GEMIN4: variants seen among roughly 807,000 people sequenced by gnomAD.
GEMIN4 encodes gem nuclear organelle associated protein 4, also known as gem-associated protein 4.
A neutral mutation model predicts 76.8 loss-of-function variants in GEMIN4; 59 were observed. The observed-to-expected ratio is 0.77, with a 90% CI of 0.62 to 0.95. The LOEUF is 0.95. GEMIN4 is among the 40% of genes least tolerant of loss of function. The pLI, the probability that GEMIN4 is intolerant of heterozygous loss-of-function variation, is 0.00. For missense variants in GEMIN4, 1,311 were observed against 1,318.9 expected (o/e 0.99, Z 0.09); for synonymous variants, 562 against 559.7 (o/e 1.00, Z -0.06).
intron 1 of GEMIN4, chr17:750,096 T>C: frequency 3.3e-6 from 2 of 608,404 alleles, no homozygotes; most frequent in Non-Finnish European, 4.1e-6. Context: ...TGGCTAGCAC[T>C]TGTAATCCCA....
At chr17:750,962 A>T (rs1457670260) in intron 1 of GEMIN4, among the ~76,000 whole-genome samples, 1 of 152,146 alleles carries the variant, frequency 6.6e-6, no homozygotes, top group East Asian at 1.9e-4. Flanking sequence ...TGACGCTGTA[A>T]ATTTAATTTT....
In GEMIN4 at chr17:747,320, G is replaced by A; in HGVS notation, c.723C>T (p.Ala241=). Residue 241 remains alanine (A), a synonymous_variant, in exon 2 of 2, where the codon GCC becomes GCT. Coordinates refer to ENST00000319004, the MANE Select transcript of GEMIN4 (RefSeq NM_015721.3). ...LGPGRKCCAL[A]NLADMLTVFA... ...ACACAGTCAGCATGTCAGCCAGGTT[G>A]GCCAGCGCACAGCACTTCCTCCCCG... The A allele has an allele frequency of 6.2e-7, 1 of 1,613,810 alleles. No homozygotes were observed. Among genetic ancestry groups the A allele is most frequent in the South Asian group, 1.1e-5 (1 of 91,084 alleles).
chr17:746,797 C>T lies in GEMIN4; in HGVS notation c.1246G>A (p.Asp416Asn). 6.2e-7 allele frequency: 1 copy of T among 1,613,884 alleles called. No individual in the cohort carries two copies. The highest frequency in any genetic ancestry group is 8.5e-7 in the Non-Finnish European group (1 of 1,179,880). ...IAMAVIQQKM[D>N]RHMEVCYIFA... ...ATGTAGCACACTTCCATATGGCGGT[C>T]CATCTTCTGCTGGATGACGGCCATG... Residue 416 changes from aspartate (D) to asparagine (N), a missense_variant, in exon 2 of 2, where the codon GAC (aspartate) becomes AAC (asparagine). By Grantham distance (23) the Asp-to-Asn change is conservative. Coordinates refer to ENST00000319004, the MANE Select transcript of GEMIN4 (RefSeq NM_015721.3). This position sits in a 1 kb window ranked among gnomAD's most constrained non-coding sequence, Gnocchi z 4.3.
rs375616543 is a variant in GEMIN4 at position 747,098 on chromosome 17, C to T, written c.945G>A (p.Val315=). 3.0e-4 allele frequency: 482 copies of T among 1,613,734 alleles called. No homozygotes were observed. The highest frequency in any genetic ancestry group is 4.0e-4 in the Non-Finnish European group (467 of 1,179,872). The change falls in exon 2 of 2, where the codon GTG becomes GTA. Residue 315 remains valine, a synonymous_variant. Transcript: ENST00000319004. ...LAKLPSETIF[V]GCEFLHHLLR... is the part of the protein sequence containing the mutation. ...GCAGGTGGTGCAGGAACTCGCAGCC[C>T]ACGAAAATGGTCTCACTGGGGAGTT...
At position 746,953 on chromosome 17, in the gene GEMIN4, T is replaced by C; in HGVS notation, c.1090A>G (p.Asn364Asp). ...SFSQNATLYLNRTSLSKEDRQ... is the reference protein window; with the variant it reads ...SFSQNATLYLDRTSLSKEDRQ... ...TCCTCCTTGGACAGGCTGGTGCGGT[T>C]CAGGTAGAGCGTCGCGTTCTGGCTG... is the stretch of plus-strand genomic sequence containing the variant. The change falls in exon 2 of 2, where the codon AAC (asparagine) becomes GAC (aspartate). Residue 364 changes from asparagine to aspartate, a missense_variant. By Grantham distance (23) the Asn-to-Asp change is conservative (BLOSUM62 1). Around this residue, in one of 2 missense-constraint regions of GEMIN4, gnomAD observed 1,208 missense variants for 1,166.9 expected, o/e 1.04. Transcript: ENST00000319004. The surrounding 1 kb of genome is among the most constrained non-coding windows in gnomAD (Gnocchi z 4.3). The C allele has an allele frequency of 6.2e-7, 1 of 1,613,472 alleles. No individual in the cohort carries two copies. Among genetic ancestry groups the C allele is most frequent in the South Asian group, 1.1e-5 (1 of 91,078 alleles).
At position 752,226 on chromosome 17, in the gene GEMIN4, G is replaced by C; in HGVS notation, c.-84C>G. 8.1e-7 allele frequency: 1 copy of C among 1,229,198 alleles called. No individual in the cohort carries two copies. The highest frequency in any genetic ancestry group is 1.6e-5 in the African/African-American group (1 of 64,326). 76.1% of individuals were successfully genotyped at this position (1,229,198 alleles called of 1,614,324 possible). ...GCGGCGCGGGACGCACGGCACGATGGGAGACGCAGGAGCCACGGCGGCCGC... is the reference window on the plus strand; with the variant it reads ...GCGGCGCGGGACGCACGGCACGATGCGAGACGCAGGAGCCACGGCGGCCGC... On this transcript the variant is annotated 5_prime_UTR_variant, in exon 1 of 2. Transcript: ENST00000319004.
chr17:745,068 A>G lies in GEMIN4; in HGVS notation c.2975T>C (p.Met992Thr). ...VFCHALHIMA[M>T]LHPEVCEPLY... Reference sequence around the variant, plus strand: ...TGGCTCACAGACCTCCGGGTGGAGCATGGCCATGATGTGCAGAGCATGGCA... The same window carrying G: ...TGGCTCACAGACCTCCGGGTGGAGCGTGGCCATGATGTGCAGAGCATGGCA... The change falls in exon 2 of 2, where the codon ATG becomes ACG. Residue 992 changes from methionine to threonine, a missense_variant. By Grantham distance (81) the Met-to-Thr change is moderately conservative (BLOSUM62 -1). Transcript: ENST00000319004. This position sits in a 1 kb window ranked among gnomAD's most constrained non-coding sequence, Gnocchi z 4.6. 2 of 1,613,740 alleles carry G rather than the reference A, an allele frequency of 1.2e-6. No individual in the cohort carries two copies. Among genetic ancestry groups the G allele is most frequent in the South Asian group, 2.2e-5 (2 of 91,054 alleles).
Position 745,683 on chromosome 17 carries a change from G to T in GEMIN4, c.2360C>A (p.Pro787Gln). The change falls in exon 2 of 2, where the codon CCA becomes CAA. Residue 787 changes from proline (P) to glutamine (Q), a missense_variant. By Grantham distance (76) the Pro-to-Gln change is moderately conservative. Transcript: ENST00000319004. The surrounding 1 kb of genome is among the most constrained non-coding windows in gnomAD (Gnocchi z 4.6). The part of the protein sequence containing the change: ...FFEGHFKCEV[P>Q]ATLFEICKLS... ...CTTACAGATCTCAAAAAGTGTGGCT[G>T]GCACTTCACACTTGAAGTGCCCCTC... is the stretch of plus-strand genomic sequence containing the variant. 6.3e-6 allele frequency: 10 copies of T among 1,595,838 alleles called. No homozygotes were observed. Among genetic ancestry groups the T allele is most frequent in the Non-Finnish European group, 8.5e-6 (10 of 1,171,670 alleles).
At chr17:748,177 GC>G (rs1301227007) in intron 1 of GEMIN4, 145 bp from the exon 2 acceptor site, 1 of 648,962 alleles carries the variant, frequency 1.5e-6, no homozygotes, top group Non-Finnish European at 2.6e-6. Context: ...AAGAGCCACT[GC>G]ACAGCTGGAG....
Position 746,245 on chromosome 17 carries a change from C to G in GEMIN4, c.1798G>C (p.Ala600Pro), listed in dbSNP as rs748035562. 2.4e-5 allele frequency: 39 copies of G among 1,613,592 alleles called. No individual in the cohort carries two copies. The highest frequency in any genetic ancestry group is 3.1e-5 in the Non-Finnish European group (36 of 1,179,888). Residue 600 changes from alanine to proline, a missense_variant, in exon 2 of 2, where the codon GCC becomes CCC. By Grantham distance (27) the Ala-to-Pro change is conservative. Coordinates refer to ENST00000319004, the MANE Select transcript of GEMIN4 (RefSeq NM_015721.3). The surrounding 1 kb of genome is among the most constrained non-coding windows in gnomAD (Gnocchi z 4.3). ...FVEEQGPNSS[A>P]TFMVSCLKET... ...TTGAGGCATGACACCATGAAAGTGG[C>G]AGATGAATTGGGACCCTGCTCTTCC... is the stretch of plus-strand genomic sequence containing the variant.
rs369736006 is a variant in GEMIN4, at chr17:752,045, G to T, written c.10+88C>A. 136 of 918,382 alleles carry T rather than the reference G, an allele frequency of 1.5e-4. 3 individuals are homozygous for T. In the South Asian group the frequency reaches 6.9e-3, roughly 47 times the overall value. 56.9% of individuals were successfully genotyped at this position (918,382 alleles called of 1,614,324 possible). A position where few individuals can be genotyped will look rare whatever the true frequency, so the allele number is the denominator to read the frequency against. ...TTTCGGTCCGGGCCCGCGCGAGCGT[G>T]CGCGACAGGAGGAGACGCGACGGGG... On this transcript the variant is annotated intron_variant, in intron 1 of 1. Transcript: ENST00000319004.
Position 746,431 on chromosome 17 carries a change from A to T in GEMIN4, c.1612T>A (p.Ser538Thr), listed in dbSNP as rs766783175. ...ACAGCTTTTGCCAAGCCCTGTTCGGAGGCACTCTGAGTGAGCTGGTTAAAA... is the reference window on the plus strand; with the variant it reads ...ACAGCTTTTGCCAAGCCCTGTTCGGTGGCACTCTGAGTGAGCTGGTTAAAA... ...TTFNQLTQSA[S>T]EQGLAKAVAS... The change falls in exon 2 of 2, where the codon TCC becomes ACC. Residue 538 changes from serine to threonine, a missense_variant. Around this residue, in one of 2 missense-constraint regions of GEMIN4, gnomAD observed 1,208 missense variants for 1,166.9 expected, o/e 1.04. Coordinates refer to ENST00000319004, the MANE Select transcript of GEMIN4 (RefSeq NM_015721.3). This position sits in a 1 kb window ranked among gnomAD's most constrained non-coding sequence, Gnocchi z 4.3. The T allele has an allele frequency of 6.2e-7, 1 of 1,613,936 alleles. No homozygotes were observed. Among genetic ancestry groups the T allele is most frequent in the Non-Finnish European group, 8.5e-7 (1 of 1,179,884 alleles).
intron 1 of GEMIN4, among the ~76,000 whole-genome samples, chr17:751,329 T>C (rs1354194111): frequency 6.6e-6 from 1 of 152,146 alleles, no homozygotes; most frequent in African/African-American, 2.4e-5. Context: ...CAATTACGGC[T>C]GAGGGGCTCC....
intron 1 of GEMIN4, among the ~76,000 whole-genome samples, chr17:751,404 C>A (rs906203073): frequency 9.9e-5 from 15 of 152,060 alleles, no homozygotes; most frequent in Admixed American, 9.2e-4. Context: ...CAGACCATTT[C>A]CCCCCAGCCT....
In GEMIN4 at chr17:747,215, C is replaced by T; in HGVS notation, c.828G>A (p.Trp276Ter). ...LDKLATVISV[W>*]NSDTQNPYHQ... ...GGTAGGGATTCTGGGTGTCCGAGTT[C>T]CACACAGAGATCACCGTGGCCAGTT... The change falls in exon 2 of 2, where the codon TGG becomes TGA. Residue 276 changes from tryptophan (W) to a stop codon, truncating the protein, a stop_gained. Coordinates refer to ENST00000319004, the MANE Select transcript of GEMIN4 (RefSeq NM_015721.3). LOFTEE classifies it high-confidence loss of function. The T allele has an allele frequency of 6.2e-7, 1 of 1,613,848 alleles. No individual in the cohort carries two copies. The highest frequency in any genetic ancestry group is 8.5e-7 in the Non-Finnish European group (1 of 1,179,890).
chr17:745,664 G>T lies in GEMIN4; in HGVS notation c.2379C>A (p.Ile793=). 6.3e-7 allele frequency: 1 copy of T among 1,596,914 alleles called. No individual in the cohort carries two copies. The highest frequency in any genetic ancestry group is 8.5e-7 in the Non-Finnish European group (1 of 1,172,176). ...KCEVPATLFE[I]CKLSEDEWTS... is the part of the protein sequence containing the mutation. ...TCCACTCGTCTTCTGAAAGCTTACA[G>T]ATCTCAAAAAGTGTGGCTGGCACTT... Residue 793 remains isoleucine, a synonymous_variant, in exon 2 of 2, where the codon ATC becomes ATA. Coordinates refer to ENST00000319004, the MANE Select transcript of GEMIN4 (RefSeq NM_015721.3). The surrounding 1 kb of genome is among the most constrained non-coding windows in gnomAD (Gnocchi z 4.6).
chr17:753,523 A>G, upstream of GEMIN4: 1 of 159,426 alleles, frequency 6.3e-6, no homozygotes, highest in South Asian at 1.4e-4. Flanking sequence ...TCGGGAATGG[A>G]AAGGGCTTCT....
intron 1 of GEMIN4, chr17:749,983 T>G: frequency 1.0e-6 from 1 of 984,954 alleles, no homozygotes; most frequent in Non-Finnish European, 1.2e-6. Context: ...AACTAACGAT[T>G]GACACAGACT....
upstream of GEMIN4, chr17:753,596 A>C (rs1904866410): frequency 6.5e-6 from 1 of 153,950 alleles, no homozygotes; most frequent in Admixed American, 6.5e-5. Flanking sequence ...TCAATAAATC[A>C]CTTAAACTGC....
Sources: gnomAD v4.1 joint callset for allele counts (sites outside exome capture counted in the v4.1 genomes callset) on GRCh38, gnomAD v4.1.1 for gene constraint, gnomAD v4.1.1 regional missense constraint, Gnocchi (gnomAD v3.1) non-coding constraint, MANE v1.5 for transcripts, NCBI Gene and HGNC (gene_info 2026-07-23, HGNC 2026-07-21) for gene names.